Variants in SEMA3E observed in about 807,000 individuals in gnomAD.
SEMA3E encodes semaphorin-3E.
SEMA3E carries 49 observed loss-of-function variants against 93.6 expected under a neutral mutation model. The observed-to-expected ratio is 0.52, with a 90% confidence interval of 0.42 to 0.66. The LOEUF is 0.66. Among genes scored for constraint, SEMA3E ranks in the 30% least tolerant of loss-of-function variants. The probability of loss-of-function intolerance (pLI) is 0.00; values close to 1 mark genes in which losing one functional copy is unlikely to be tolerated. For missense variants in SEMA3E, 906 were observed against 964.8 expected, an observed-to-expected ratio of 0.94 and a Z score of 0.81; for synonymous variants, 363 against 330.7, an observed-to-expected ratio of 1.10 and a Z score of -1.06.
At chr7:83,611,159 T>G (rs929649918) in intron 1 of SEMA3E, among the ~76,000 whole-genome samples, 5 of 150,736 alleles carry the variant, frequency 3.3e-5, no homozygotes, top group Middle Eastern at 3.5e-3. Flanking sequence ...ACTGCTCTGC[T>G]TTAAGAAATC....
intron 2 of SEMA3E, among the ~76,000 whole-genome samples, chr7:83,480,079 A>G (rs1473848232): frequency 6.6e-6 from 1 of 152,216 alleles, no homozygotes; most frequent in Non-Finnish European, 1.5e-5. Context: ...TAATATTCAG[A>G]GGAATTTTAT....
At chr7:83,488,857 G>A (rs911484035) in intron 2 of SEMA3E, among the ~76,000 whole-genome samples, 1 of 151,990 alleles carries the variant, frequency 6.6e-6, no homozygotes, top group Admixed American at 6.6e-5. Flanking sequence ...ATTGAGAGGA[G>A]TATAAAAACT....
At chr7:83,487,222 C>T (rs940464118) in intron 2 of SEMA3E, among the ~76,000 whole-genome samples, 1 of 152,060 alleles carries the variant, frequency 6.6e-6, no homozygotes, top group African/African-American at 2.4e-5. Context: ...GCTGCTATCT[C>T]TTGGTCTTAT....
intron 1 of SEMA3E, among the ~76,000 whole-genome samples, chr7:83,630,854 G>A (rs188018409): frequency 2.6e-5 from 4 of 152,128 alleles, no homozygotes; most frequent in Non-Finnish European, 4.4e-5. Flanking sequence ...AAAATATAGG[G>A]TTATTTTAAA....
chr7:83,389,784 T>A (rs1447187164), intron 14 of SEMA3E, among the ~76,000 whole-genome samples: 9 of 105,260 alleles, frequency 8.6e-5, no homozygotes, highest in Admixed American at 3.2e-4. Flanking sequence ...ATATATTACA[T>A]GTATACATAT....
chr7:83,529,669 A>G (rs1791243636), intron 1 of SEMA3E, among the ~76,000 whole-genome samples: 1 of 152,202 alleles, frequency 6.6e-6, no homozygotes, highest in African/African-American at 2.4e-5. Context: ...AAAGCTGAGC[A>G]GAGTGATAGA....
intron 5 of SEMA3E, among the ~76,000 whole-genome samples, chr7:83,411,490 G>A (rs542906804): frequency 3.9e-5 from 6 of 152,106 alleles, no homozygotes; most frequent in African/African-American, 1.4e-4. Flanking sequence ...AAAATTCATA[G>A]TAATTGATAA....
chr7:83,569,445 C>G (rs1382874302), intron 1 of SEMA3E, among the ~76,000 whole-genome samples: 3 of 151,992 alleles, frequency 2.0e-5, no homozygotes, highest in Non-Finnish European at 2.9e-5. Flanking sequence ...GAGTGGCAAA[C>G]TGGATTAAAA....
rs1790503990 is a variant in SEMA3E at position 83,497,115 on chromosome 7, T to C, written c.116-6841A>G. Among the ~76,000 whole-genome samples, 4 of 152,166 alleles carry C rather than the reference T, an allele frequency of 2.6e-5. No individual in the cohort carries two copies. In the South Asian group the frequency reaches 8.3e-4, roughly 31 times the overall value. On this transcript the variant is annotated intron_variant, in intron 1 of 16. Transcript: ENST00000643230. ...GCTAGTTATCAGCTGTCAATGAAGATATACTCTGAGGATTTAGTCATTTCC... is the reference window on the plus strand; with the variant it reads ...GCTAGTTATCAGCTGTCAATGAAGACATACTCTGAGGATTTAGTCATTTCC...
chr7:83,620,852 A>G (rs1032550008), intron 1 of SEMA3E, among the ~76,000 whole-genome samples: 2 of 152,158 alleles, frequency 1.3e-5, no homozygotes, highest in African/African-American at 2.4e-5. Context: ...CCTCAAAATT[A>G]TAAGAGCCAC....
At position 83,478,708 on chromosome 7, in the gene SEMA3E, C is replaced by T. The variant is rs552966213; in HGVS notation, c.277-9406G>A. On this transcript the variant is annotated intron_variant, in intron 2 of 16. Transcript: ENST00000643230. ...TTGTTCTACTAGTTCATAACTATTA[C>T]TAGGGTAAAATGCAGCCATGCAAAG... Among the ~76,000 whole-genome samples, 6 of 152,304 alleles carry T rather than the reference C, an allele frequency of 3.9e-5. No homozygotes were observed. The East Asian group carries it at 1.2e-3, about 29-fold the overall frequency.
At chr7:83,407,549 A>G (rs1343655193) in intron 6 of SEMA3E, among the ~76,000 whole-genome samples, 1 of 152,146 alleles carries the variant, frequency 6.6e-6, no homozygotes, top group Non-Finnish European at 1.5e-5. Flanking sequence ...GAAAGAGCAG[A>G]TTGGGAGCAC....
At chr7:83,380,225 T>C (rs1191313438) in intron 16 of SEMA3E, among the ~76,000 whole-genome samples, 1 of 151,962 alleles carries the variant, frequency 6.6e-6, no homozygotes, top group Non-Finnish European at 1.5e-5. Context: ...CACTTAATAT[T>C]ATCTCATAAA....
At chr7:83,376,367 G>A (rs970686122) in intron 16 of SEMA3E, among the ~76,000 whole-genome samples, 5 of 151,952 alleles carry the variant, frequency 3.3e-5, no homozygotes, top group South Asian at 2.1e-4. Flanking sequence ...TCCTAGCTTC[G>A]ATGACATAAC....
At chr7:83,452,178 A>C (rs556480723) in intron 4 of SEMA3E, among the ~76,000 whole-genome samples, 1 of 152,268 alleles carries the variant, frequency 6.6e-6, no homozygotes, top group African/African-American at 2.4e-5. Context: ...TGTCCATGAA[A>C]TATTTTGAGT....
intron 4 of SEMA3E, among the ~76,000 whole-genome samples, chr7:83,429,931 A>T (rs1198907967): frequency 6.6e-6 from 1 of 152,186 alleles, no homozygotes; most frequent in Non-Finnish European, 1.5e-5. Flanking sequence ...TTCTCTAAGA[A>T]ATCTCCAATC....
intron 16 of SEMA3E, among the ~76,000 whole-genome samples, chr7:83,370,625 T>A (rs1794737283): frequency 6.6e-6 from 1 of 152,142 alleles, no homozygotes; most frequent in South Asian, 2.1e-4. Context: ...TGCCTTCAGA[T>A]ACTTCTTTAA....
intron 1 of SEMA3E, among the ~76,000 whole-genome samples, chr7:83,633,702 A>T (rs1427615038): frequency 6.6e-6 from 1 of 152,170 alleles, no homozygotes; most frequent in Non-Finnish European, 1.5e-5. Context: ...CCTCAGCAAA[A>T]GCAGTATGGG....
intron 1 of SEMA3E, among the ~76,000 whole-genome samples, chr7:83,636,034 T>G (rs1465749459): frequency 6.6e-6 from 1 of 152,156 alleles, no homozygotes; most frequent in Non-Finnish European, 1.5e-5. Flanking sequence ...TTCTTCATAA[T>G]TTGTCACTGT....
Sources: gnomAD v4.1 joint callset for allele counts (sites outside exome capture counted in the v4.1 genomes callset) on GRCh38, gnomAD v4.1.1 for gene constraint, MANE v1.5 for transcripts, NCBI Gene and HGNC (gene_info 2026-07-23, HGNC 2026-07-21) for gene names.